Variants in CSMD1 observed in about 807,000 individuals in gnomAD.
The protein encoded by CSMD1 is CUB and sushi domain-containing protein 1.
CSMD1 carries 213 observed loss-of-function variants against 417.5 expected under a neutral mutation model. That is an observed-to-expected ratio of 0.51 (90% confidence interval 0.46 to 0.57). The LOEUF (loss-of-function observed/expected upper bound fraction) is 0.57, where lower values mean the gene tolerates loss of function less well. CSMD1 is among the 20% of genes least tolerant of loss of function. The pLI is 0.00. For synonymous variants in CSMD1, 2,862 were observed against 1,736.8 expected, an observed-to-expected ratio of 1.65 and a Z score of -16.11; for missense variants, 6,923 against 4,529.7, an observed-to-expected ratio of 1.53 and a Z score of -15.17.
intron 6 of CSMD1, among the ~76,000 whole-genome samples, chr8:3,753,683 G>A (rs28693802): frequency 0.21 from 31,331 of 151,786 alleles, 3,696 homozygotes; most frequent in South Asian, 0.3. Flanking sequence ...AATAGCTATT[G>A]ATTAAAACTT....
chr8:4,039,560 G>A (rs1047936577), intron 3 of CSMD1, among the ~76,000 whole-genome samples: 1 of 152,174 alleles, frequency 6.6e-6, no homozygotes, highest in African/African-American at 2.4e-5. Context: ...CCTCCCAGGA[G>A]GTGGCAGTCA....
chr8:4,887,393 A>T (rs1243035792), intron 1 of CSMD1, among the ~76,000 whole-genome samples: 1 of 152,088 alleles, frequency 6.6e-6, no homozygotes, highest in African/African-American at 2.4e-5. Flanking sequence ...AAATACAGTT[A>T]TCATGGACAA....
intron 2 of CSMD1, among the ~76,000 whole-genome samples, chr8:4,566,652 CAAAAAAAA>C (rs35448667): frequency 3.2e-5 from 2 of 62,820 alleles, no homozygotes; most frequent in African/African-American, 1.5e-4. Flanking sequence ...GACTCTGACT[CAAAAAAAA>C]AAAAAAAAAA....
intron 21 of CSMD1, among the ~76,000 whole-genome samples, chr8:3,351,974 C>T (rs1345669985): frequency 2.0e-5 from 3 of 152,014 alleles, no homozygotes; most frequent in African/African-American, 7.3e-5. Context: ...GAACATAGGA[C>T]AGTTTTGTTT....
chr8:4,828,230 G>A (rs1799946096), intron 1 of CSMD1, among the ~76,000 whole-genome samples: 1 of 152,100 alleles, frequency 6.6e-6, no homozygotes, highest in Admixed American at 6.6e-5. Flanking sequence ...TACATGCTAA[G>A]CCAATATTAT....
intron 3 of CSMD1, among the ~76,000 whole-genome samples, chr8:4,309,575 A>G (rs1178838109): frequency 6.6e-6 from 1 of 152,148 alleles, no homozygotes; most frequent in African/African-American, 2.4e-5. Context: ...CCAAACTCTC[A>G]GTTCATATGA....
intron 25 of CSMD1, among the ~76,000 whole-genome samples, chr8:3,299,675 A>G (rs558399603): frequency 3.2e-4 from 48 of 152,300 alleles, no homozygotes; most frequent in African/African-American, 1.1e-3. Flanking sequence ...GGGAAAGGAG[A>G]GAACCGGAAA....
At chr8:4,181,354 C>CATTT (rs745880992) in intron 3 of CSMD1, among the ~76,000 whole-genome samples, 19 of 145,756 alleles carry the variant, frequency 1.3e-4, no homozygotes, top group Admixed American at 1.0e-3. Context: ...TACGGTTTCT[C>CATTT]ATTTATTTAT....
chr8:4,142,059 G>T (rs530334160), intron 3 of CSMD1, among the ~76,000 whole-genome samples: 44,584 of 150,224 alleles, frequency 0.3, 8,319 homozygotes, highest in Non-Finnish European at 0.39. Context: ...GAATATATAA[G>T]TTGAAAAAAA....
At chr8:3,942,552 A>T (rs1291934908) in intron 5 of CSMD1, among the ~76,000 whole-genome samples, 2 of 152,156 alleles carry the variant, frequency 1.3e-5, no homozygotes, top group African/African-American at 4.8e-5. Context: ...AGGACTGAAA[A>T]TGTGCTCAGT....
chr8:4,166,749 A>G (rs576031130), intron 3 of CSMD1, among the ~76,000 whole-genome samples: 2 of 152,328 alleles, frequency 1.3e-5, no homozygotes, highest in South Asian at 2.1e-4. Flanking sequence ...CCCCAAAACT[A>G]TTGAAGCATA....
intron 3 of CSMD1, among the ~76,000 whole-genome samples, chr8:4,388,384 T>A (rs1584998397): frequency 6.6e-6 from 1 of 151,154 alleles, no homozygotes. Context: ...TAAAAATGCA[T>A]GAATTAATGG....
chr8:2,980,862 T>C (rs561461580), intron 54 of CSMD1, among the ~76,000 whole-genome samples: 117 of 152,346 alleles, frequency 7.7e-4, no homozygotes, highest in Non-Finnish European at 1.5e-3. Context: ...CCCTTTCCTT[T>C]ACCTAGTTCA....
intron 2 of CSMD1, among the ~76,000 whole-genome samples, chr8:4,570,991 C>T (rs1359592045): frequency 9.2e-5 from 14 of 151,814 alleles, no homozygotes; most frequent in Admixed American, 8.5e-4. Context: ...TGGTGATATC[C>T]CTTTATCTTT....
chr8:4,174,639 G>A (rs976699439), intron 3 of CSMD1, among the ~76,000 whole-genome samples: 9 of 146,042 alleles, frequency 6.2e-5, no homozygotes, highest in African/African-American at 2.1e-4. Context: ...TAAGACCTGG[G>A]AATGTAGGAA....
intron 1 of CSMD1, among the ~76,000 whole-genome samples, chr8:4,900,923 C>A (rs908368262): frequency 6.6e-6 from 1 of 152,206 alleles, no homozygotes; most frequent in Non-Finnish European, 1.5e-5. Context: ...CTCTCCCTTG[C>A]ATCCTAAGTG....
chr8:3,602,323 T>C (rs1306555689), intron 8 of CSMD1, among the ~76,000 whole-genome samples: 2 of 152,120 alleles, frequency 1.3e-5, no homozygotes, highest in Non-Finnish European at 2.9e-5. Flanking sequence ...CAATGAACAC[T>C]AACTCTCTTC....
intron 3 of CSMD1, among the ~76,000 whole-genome samples, chr8:4,317,315 T>A (rs1384697179): frequency 6.6e-6 from 1 of 152,204 alleles, no homozygotes; most frequent in Non-Finnish European, 1.5e-5. Context: ...AATTTCCTGC[T>A]TGCTAACGTG....
intron 54 of CSMD1, among the ~76,000 whole-genome samples, chr8:2,991,601 A>C (rs1806393280): frequency 6.6e-6 from 1 of 152,248 alleles, no homozygotes; most frequent in Non-Finnish European, 1.5e-5. Context: ...TTATGAGCAA[A>C]CATTTTTGAA....
Sources: gnomAD v4.1 joint callset for allele counts (sites outside exome capture counted in the v4.1 genomes callset) on GRCh38, gnomAD v4.1.1 for gene constraint, MANE v1.5 for transcripts, NCBI Gene and HGNC (gene_info 2026-07-23, HGNC 2026-07-21) for gene names.